The following RPA1 variants were observed in gnomAD, a reference collection of about 807,000 sequenced individuals.
RPA1 encodes replication protein A1.
A neutral mutation model predicts 83.0 loss-of-function variants in RPA1; 49 were observed. The ratio of observed to expected loss-of-function variants is 0.59; its 90% CI spans 0.47 to 0.75. RPA1 has a LOEUF of 0.75. Among genes scored for constraint, RPA1 ranks in the 30% least tolerant of loss-of-function variants. The pLI is 0.00. For synonymous variants in RPA1, 279 were observed against 281.8 expected, an observed-to-expected ratio of 0.99 and a Z score of 0.10; for missense variants, 693 against 776.1, an observed-to-expected ratio of 0.89 and a Z score of 1.27.
At chr17:1,891,033 C>T (rs969195505) in intron 14 of RPA1, among the ~76,000 whole-genome samples, 2 of 152,258 alleles carry the variant, frequency 1.3e-5, no homozygotes, top group South Asian at 2.1e-4. Flanking sequence ...CCTTATTTTT[C>T]GTCATAACAT....
At chr17:1,833,943 A>G (rs944682707) in intron 1 of RPA1, among the ~76,000 whole-genome samples, 3 of 152,242 alleles carry the variant, frequency 2.0e-5, no homozygotes, top group African/African-American at 7.2e-5. Context: ...GCACTTTAGG[A>G]GGCCAAGGCA....
Position 1,877,253 on chromosome 17 carries a change from G to T in RPA1, c.629G>T (p.Arg210Leu), listed in dbSNP as rs761567513. ...CGTGTTACCAACAAAAGTCAGATCCGTACCTGGAGCAACTCCCGAGGGGAA... is the reference window on the plus strand; with the variant it reads ...CGTGTTACCAACAAAAGTCAGATCCTTACCTGGAGCAACTCCCGAGGGGAA... ...CARVTNKSQI[R>L]TWSNSRGEGK... The change falls in exon 8 of 17, where the codon CGT becomes CTT. Residue 210 changes from arginine to leucine, a missense_variant. Physicochemically the swap from Arg to Leu is moderately radical, Grantham distance 102 (BLOSUM62 -2). Transcript: ENST00000254719. 6.2e-7 allele frequency: 1 copy of T among 1,614,198 alleles called. No homozygotes were observed. Among genetic ancestry groups the T allele is most frequent in the Non-Finnish European group, 8.5e-7 (1 of 1,180,032 alleles).
At chr17:1,857,685 C>G (rs901373674) in intron 5 of RPA1, among the ~76,000 whole-genome samples, 5 of 145,388 alleles carry the variant, frequency 3.4e-5, no homozygotes, top group Non-Finnish European at 7.5e-5. Flanking sequence ...GCAGAAGCCA[C>G]AGAGCTGGCA....
chr17:1,833,019 C>T (rs1365988685), intron 1 of RPA1, among the ~76,000 whole-genome samples: 5 of 152,094 alleles, frequency 3.3e-5, no homozygotes, highest in African/African-American at 9.7e-5. Flanking sequence ...CTCTGCCTCC[C>T]GGGTTCAAGC....
chr17:1,860,751 T>C (rs1912925657), intron 5 of RPA1, among the ~76,000 whole-genome samples: 1 of 152,206 alleles, frequency 6.6e-6, no homozygotes, highest in South Asian at 2.1e-4. Context: ...ATTTTCCTGC[T>C]GCTTTTCATG....
rs1200228029 is a variant in RPA1 at position 1,897,953 on chromosome 17, C to T, written c.*778C>T. ...AGTGCGTACTTTTTCTACCTGTACA[C>T]ATTCCTGCATTCATGTATTTTGTTT... On this transcript the variant is annotated 3_prime_UTR_variant, in exon 17 of 17. Coordinates refer to ENST00000254719, the MANE Select transcript of RPA1 (RefSeq NM_002945.5). The T allele has an allele frequency of 6.6e-6, 1 of 152,450 alleles. No homozygotes were observed. The highest frequency in any genetic ancestry group is 1.5e-5 in the Non-Finnish European group (1 of 68,046). 9.4% of individuals were successfully genotyped at this position (152,450 alleles called of 1,614,324 possible).
At chr17:1,862,657 G>A (rs1049980322) in intron 5 of RPA1, among the ~76,000 whole-genome samples, 1 of 143,324 alleles carries the variant, frequency 7.0e-6, no homozygotes, top group Non-Finnish European at 1.5e-5. Context: ...GACCTCAAGT[G>A]ATCCGCCCAC....
chr17:1,882,556 T>G (rs1236363468), intron 12 of RPA1, among the ~76,000 whole-genome samples: 1 of 152,026 alleles, frequency 6.6e-6, no homozygotes, highest in African/African-American at 2.4e-5. Flanking sequence ...TAGTCCCAGC[T>G]ACTCGGGAGG....
intron 5 of RPA1, among the ~76,000 whole-genome samples, chr17:1,862,358 C>G (rs1169853930): frequency 2.6e-5 from 4 of 151,802 alleles, no homozygotes; most frequent in African/African-American, 9.7e-5. Context: ...TCTTATACCT[C>G]TCTTGTCCCT....
At chr17:1,867,817 A>G (rs1047191149) in intron 5 of RPA1, among the ~76,000 whole-genome samples, 4 of 152,100 alleles carry the variant, frequency 2.6e-5, no homozygotes, top group Non-Finnish European at 5.9e-5. Context: ...CATGGCTGAC[A>G]CCTGTAATCG....
Position 1,883,707 on chromosome 17 carries a change from G to T in RPA1, c.1242-105G>T, listed in dbSNP as rs1480066517. ...ACCGTGACCTGTGTGAAAGCTGGGC[G>T]GGTGGTGGGAAACCTGTGTCTGTCG... On this transcript the variant is annotated intron_variant, in intron 12 of 16. Coordinates refer to ENST00000254719, the MANE Select transcript of RPA1 (RefSeq NM_002945.5). 3.5e-6 allele frequency: 5 copies of T among 1,446,752 alleles called. No individual in the cohort carries two copies. The African/African-American group carries it at 7.0e-5, about 20-fold the overall frequency. The allele number at this position is 1,446,752 out of a possible 1,614,324, so 89.6% of individuals were successfully genotyped here.
At chr17:1,896,744 A>T (rs542636204) in intron 16 of RPA1, among the ~76,000 whole-genome samples, 7 of 152,350 alleles carry the variant, frequency 4.6e-5, no homozygotes, top group Admixed American at 3.9e-4. Flanking sequence ...TGCAAGTCAC[A>T]TGTCCTCTCT....
intron 2 of RPA1, 49 bp from the exon 3 acceptor site, chr17:1,843,871 T>G: frequency 6.5e-7 from 1 of 1,532,098 alleles, no homozygotes; most frequent in Non-Finnish European, 9.0e-7. Flanking sequence ...TACGTATCCC[T>G]GGGGACGGGG....
intron 4 of RPA1, among the ~76,000 whole-genome samples, chr17:1,850,676 A>G (rs1211209390): frequency 6.6e-6 from 1 of 152,054 alleles, no homozygotes; most frequent in Non-Finnish European, 1.5e-5. Flanking sequence ...CAGGTGGATC[A>G]CCTGAGATGG....
intron 6 of RPA1, among the ~76,000 whole-genome samples, chr17:1,873,961 C>T (rs1343498421): frequency 8.0e-5 from 11 of 137,430 alleles, no homozygotes; most frequent in South Asian, 4.6e-4. Context: ...CCAGTGCCCT[C>T]TAGCCTGGAC....
rs78419656 is a variant in RPA1, at chr17:1,879,321, G to C, written c.866G>C (p.Cys289Ser). The C allele has an allele frequency of 2.5e-6, 4 of 1,614,206 alleles. No homozygotes were observed. The Admixed American group carries it at 6.7e-5, about 27-fold the overall frequency. ...TFNNETSVMPCEDDHHLPTVQ... is the reference protein window; with the variant it reads ...TFNNETSVMPSEDDHHLPTVQ... ...AATAACGAGACTTCCGTCATGCCCT[G>C]TGAGGACGACCATCATTTACCTACG... Residue 289 changes from cysteine (C) to serine (S), a missense_variant, in exon 10 of 17, where the codon TGT becomes TCT. Physicochemically the swap from Cys to Ser is moderately radical, Grantham distance 112. Transcript: ENST00000254719.
chr17:1,899,868 T>C lies in RPA1; in HGVS notation c.*2693T>C, dbSNP rs1366958390. 6.6e-6 allele frequency: 1 copy of C among 152,166 alleles called. No individual in the cohort carries two copies. Among genetic ancestry groups the C allele is most frequent in the Non-Finnish European group, 1.5e-5 (1 of 68,034 alleles). 9.4% of individuals were successfully genotyped at this position (152,166 alleles called of 1,614,324 possible). A position where few individuals can be genotyped will look rare whatever the true frequency, so the allele number is the denominator to read the frequency against. Reference sequence around the variant, plus strand: ...ACCTGTTAGAAGGCCACTATTCCCCTAGTAAACTGATTGTTTCCTTGTCTC... The same window carrying C: ...ACCTGTTAGAAGGCCACTATTCCCCCAGTAAACTGATTGTTTCCTTGTCTC... On this transcript the variant is annotated 3_prime_UTR_variant, in exon 17 of 17. Transcript: ENST00000254719.
chr17:1,874,012 A>AAAAAT (rs1555592994), intron 6 of RPA1, among the ~76,000 whole-genome samples: 6 of 93,842 alleles, frequency 6.4e-5, no homozygotes, highest in Admixed American at 1.3e-4. Context: ...AAAAAAAAAA[A>AAAAAT]ATATATATAT....
chr17:1,897,659 G>A lies in RPA1; in HGVS notation c.*484G>A, dbSNP rs1914495814. The A allele has an allele frequency of 6.2e-6, 1 of 162,366 alleles. No homozygotes were observed. 10.1% of individuals were successfully genotyped at this position (162,366 alleles called of 1,614,324 possible). On this transcript the variant is annotated 3_prime_UTR_variant, in exon 17 of 17. Coordinates refer to ENST00000254719, the MANE Select transcript of RPA1 (RefSeq NM_002945.5). ...TAAGTGTGTCTTCCTAGAATTCGAA[G>A]GCTCTCTCTTTCTAGAGGTGCTACA...
Sources: allele counts gnomAD v4.1 joint callset (sites outside exome capture counted in the v4.1 genomes callset), GRCh38; gene constraint gnomAD v4.1.1; transcripts MANE v1.5; gene names NCBI Gene and HGNC (gene_info 2026-07-23, HGNC 2026-07-21).